The following NRXN1 variants were observed in gnomAD, a reference collection of about 807,000 sequenced individuals.
The protein encoded by NRXN1 is neurexin-1.
A neutral mutation model predicts 150.9 loss-of-function variants in NRXN1; 39 were observed. That is an observed-to-expected ratio of 0.26 (90% CI 0.20 to 0.34). The LOEUF is 0.34. Among genes scored for constraint, NRXN1 ranks in the 10% least tolerant of loss-of-function variants. The pLI is 1.00. For synonymous variants in NRXN1, 924 were observed against 757.0 expected, an observed-to-expected ratio of 1.22 and a Z score of -3.62; for missense variants, 1,815 against 1,949.9, an observed-to-expected ratio of 0.93 and a Z score of 1.30.
At chr2:50,607,948 C>T (rs981840831) in intron 8 of NRXN1, among the ~76,000 whole-genome samples, 1 of 151,938 alleles carries the variant, frequency 6.6e-6, no homozygotes, top group Non-Finnish European at 1.5e-5. Context: ...CCTCATGGCT[C>T]ATCTGCCCTC....
intron 2 of NRXN1, among the ~76,000 whole-genome samples, chr2:51,016,690 G>A (rs1333699140): frequency 6.6e-6 from 1 of 152,166 alleles, no homozygotes; most frequent in East Asian, 1.9e-4. Flanking sequence ...GTAGAAGACA[G>A]TGTGGTGATT....
At chr2:49,993,436 A>G (rs1481877144) in intron 21 of NRXN1, among the ~76,000 whole-genome samples, 1 of 152,180 alleles carries the variant, frequency 6.6e-6, no homozygotes, top group African/African-American at 2.4e-5. Context: ...AACATAGAGG[A>G]TTTTTAGGTC....
chr2:50,028,716 T>C (rs1033250225), intron 21 of NRXN1, among the ~76,000 whole-genome samples: 8 of 152,212 alleles, frequency 5.3e-5, no homozygotes, highest in Admixed American at 2.0e-4. Context: ...GGCCATTAGG[T>C]AGTCTCTAGA....
chr2:50,320,298 ATATATATATATAT>A (rs1267390784), intron 17 of NRXN1, among the ~76,000 whole-genome samples: 1 of 114,362 alleles, frequency 8.7e-6, no homozygotes, highest in African/African-American at 3.5e-5. Flanking sequence ...ATATATATAT[ATATATATATATAT>A]ATATATATAT....
At chr2:50,206,347 C>G (rs1180735899) in intron 18 of NRXN1, among the ~76,000 whole-genome samples, 1 of 151,838 alleles carries the variant, frequency 6.6e-6, no homozygotes, top group Non-Finnish European at 1.5e-5. Flanking sequence ...GGTGGTCAGA[C>G]CAATTTGAAA....
At chr2:50,508,566 CTT>C (rs923803409) in intron 12 of NRXN1, among the ~76,000 whole-genome samples, 1 of 146,598 alleles carries the variant, frequency 6.8e-6, no homozygotes, top group Non-Finnish European at 1.5e-5. Context: ...TTATAGGGAA[CTT>C]TTTTTTTTTG....
chr2:50,729,593 A>C (rs144584312), intron 5 of NRXN1, among the ~76,000 whole-genome samples: 6 of 152,256 alleles, frequency 3.9e-5, no homozygotes, highest in Middle Eastern at 6.8e-3. Flanking sequence ...ATGATATGAA[A>C]AATAATGAAT....
intron 21 of NRXN1, chr2:50,019,379 T>C (rs1687134374): frequency 2.1e-6 from 1 of 467,426 alleles, no homozygotes; most frequent in Non-Finnish European, 4.4e-6. Flanking sequence ...GCGCGGTGGC[T>C]CACGCCTGTA....
chr2:50,082,585 A>G (rs1434856805), intron 19 of NRXN1, among the ~76,000 whole-genome samples: 1 of 152,230 alleles, frequency 6.6e-6, no homozygotes, highest in Non-Finnish European at 1.5e-5. Context: ...AGAACTTTTA[A>G]AAGTAAAAAG....
At chr2:50,232,608 A>G (rs184458614) in intron 18 of NRXN1, among the ~76,000 whole-genome samples, 32 of 151,910 alleles carry the variant, frequency 2.1e-4, no homozygotes, top group Admixed American at 1.0e-3. Context: ...CATAGTCTCC[A>G]TCTCTTGACC....
At chr2:50,229,867 CAGAA>C (rs1444887845) in intron 18 of NRXN1, among the ~76,000 whole-genome samples, 2 of 151,982 alleles carry the variant, frequency 1.3e-5, no homozygotes, top group Non-Finnish European at 2.9e-5. Flanking sequence ...AGTCAGTAGT[CAGAA>C]AGAATTCAAC....
chr2:50,903,715 A>T (rs1683270659), intron 5 of NRXN1, among the ~76,000 whole-genome samples: 2 of 152,162 alleles, frequency 1.3e-5, no homozygotes, highest in Admixed American at 6.5e-5. Context: ...ATACGTCCTT[A>T]GGCAAAGGGA....
chr2:50,688,202 T>G (rs74574733), intron 5 of NRXN1, among the ~76,000 whole-genome samples: 1,806 of 152,264 alleles, frequency 0.012, 41 homozygotes, highest in African/African-American at 0.042. Context: ...TAACCCAACG[T>G]TTCTTTTCCT....
At chr2:50,255,046 G>A (rs530413035) in intron 17 of NRXN1, among the ~76,000 whole-genome samples, 6 of 152,106 alleles carry the variant, frequency 3.9e-5, no homozygotes, top group African/African-American at 9.6e-5. Flanking sequence ...GGGCTCAAGC[G>A]ATCCACCCAC....
At chr2:50,746,899 G>A (rs1442019997) in intron 5 of NRXN1, among the ~76,000 whole-genome samples, 3 of 152,028 alleles carry the variant, frequency 2.0e-5, no homozygotes, top group Non-Finnish European at 2.9e-5. Context: ...GCTCTGGGTT[G>A]GAAGCAAATT....
chr2:50,686,431 T>C (rs1173443096), intron 5 of NRXN1, among the ~76,000 whole-genome samples: 2 of 152,162 alleles, frequency 1.3e-5, no homozygotes, highest in Non-Finnish European at 2.9e-5. Flanking sequence ...TTTTAGACAG[T>C]TGAAAGGGAA....
chr2:50,214,752 T>C (rs973722698), intron 18 of NRXN1, among the ~76,000 whole-genome samples: 1 of 152,030 alleles, frequency 6.6e-6, no homozygotes, highest in Non-Finnish European at 1.5e-5. Context: ...TATAAGATAA[T>C]GAAACTGCTT....
intron 5 of NRXN1, among the ~76,000 whole-genome samples, chr2:50,788,676 T>C (rs1705499359): frequency 6.6e-6 from 1 of 152,046 alleles, no homozygotes. Context: ...GGGATAAGGT[T>C]ATTTCTGAGA....
intron 2 of NRXN1, among the ~76,000 whole-genome samples, chr2:51,008,168 T>C (rs878923437): frequency 1.3e-5 from 2 of 151,828 alleles, no homozygotes; most frequent in Non-Finnish European, 2.9e-5. Context: ...AGATCAGTTA[T>C]AAAGAAAAAT....
Sources: allele counts gnomAD v4.1 joint callset (sites outside exome capture counted in the v4.1 genomes callset), GRCh38; gene constraint gnomAD v4.1.1; transcripts MANE v1.5; gene names NCBI Gene and HGNC (gene_info 2026-07-23, HGNC 2026-07-21).